EYS: variants seen among roughly 807,000 people sequenced by gnomAD.
EYS encodes the protein EGF-like photoreceptor maintenance factor.
In EYS, 250 loss-of-function variants were observed where a neutral mutation model predicts 282.1. The observed-to-expected ratio is 0.89, with a 90% confidence interval of 0.80 to 0.98. The LOEUF (loss-of-function observed/expected upper bound fraction) is 0.98, where lower values mean the gene tolerates loss of function less well. Ranked by LOEUF, EYS falls within the 50% of genes least tolerant of loss-of-function variation. The pLI, the probability that EYS is intolerant of heterozygous loss-of-function variation, is 0.00. For synonymous variants in EYS, 1,355 were observed against 1,282.9 expected, an observed-to-expected ratio of 1.06 and a Z score of -1.20; for missense variants, 4,016 against 3,709.0, an observed-to-expected ratio of 1.08 and a Z score of -2.15.
chr6:63,876,645 T>C (rs1005854979), intron 35 of EYS, among the ~76,000 whole-genome samples: 1 of 152,240 alleles, frequency 6.6e-6, no homozygotes, highest in Admixed American at 6.5e-5. Flanking sequence ...TTTATGAATC[T>C]GGGTGCTCCT....
chr6:63,970,583 C>T (rs1441687111), intron 35 of EYS, among the ~76,000 whole-genome samples: 2 of 149,852 alleles, frequency 1.3e-5, no homozygotes, highest in Admixed American at 6.7e-5. Context: ...TGCTGTAAGT[C>T]GAGATCACAC....
chr6:64,274,032 G>T (rs1033981741), intron 30 of EYS, among the ~76,000 whole-genome samples: 5 of 152,172 alleles, frequency 3.3e-5, no homozygotes, highest in African/African-American at 4.8e-5. Context: ...TTCTGCTTAT[G>T]ACCCAGTGAT....
intron 14 of EYS, among the ~76,000 whole-genome samples, chr6:64,965,862 G>A (rs910343149): frequency 6.6e-6 from 1 of 152,058 alleles, no homozygotes; most frequent in Non-Finnish European, 1.5e-5. Flanking sequence ...ATCAGTTTAT[G>A]GCTTGAAATT....
intron 30 of EYS, among the ~76,000 whole-genome samples, chr6:64,299,542 A>T (rs1429666350): frequency 6.6e-6 from 1 of 152,202 alleles, no homozygotes; most frequent in East Asian, 1.9e-4. Context: ...GGTGAAAAGG[A>T]CTGTGCAGTC....
At chr6:64,404,390 TG>T in intron 28 of EYS, among the ~76,000 whole-genome samples, 1 of 79,648 alleles carries the variant, frequency 1.3e-5, no homozygotes, top group East Asian at 7.0e-4. Context: ...AGTGTGTGTG[TG>T]TGTGTGTGTG....
At chr6:64,114,819 C>T (rs1773320758) in intron 31 of EYS, among the ~76,000 whole-genome samples, 1 of 152,042 alleles carries the variant, frequency 6.6e-6, no homozygotes, top group South Asian at 2.1e-4. Context: ...ACTGACGTAA[C>T]CAAGAGCTGC....
At chr6:64,794,491 C>T (rs1454560492) in intron 22 of EYS, among the ~76,000 whole-genome samples, 1 of 152,094 alleles carries the variant, frequency 6.6e-6, no homozygotes, top group Non-Finnish European at 1.5e-5. Context: ...CTTCTGCCCA[C>T]CATGTGAAGA....
chr6:65,157,628 C>G (rs1350567566), intron 12 of EYS, among the ~76,000 whole-genome samples: 1 of 150,434 alleles, frequency 6.6e-6, no homozygotes, highest in African/African-American at 2.4e-5. Context: ...ATTTAGTTCT[C>G]TAAACTAGTC....
chr6:65,059,635 T>C (rs968426626), intron 12 of EYS, among the ~76,000 whole-genome samples: 2 of 152,022 alleles, frequency 1.3e-5, no homozygotes, highest in African/African-American at 4.8e-5. Flanking sequence ...AGAAAGAATT[T>C]ATAATTATTG....
chr6:64,848,580 A>C (rs1447406757), intron 19 of EYS, among the ~76,000 whole-genome samples: 1 of 152,046 alleles, frequency 6.6e-6, no homozygotes, highest in African/African-American at 2.4e-5. Flanking sequence ...AAATTATGAC[A>C]TATAGTTTGT....
At chr6:64,941,581 A>T (rs1404704635) in intron 15 of EYS, among the ~76,000 whole-genome samples, 1 of 152,030 alleles carries the variant, frequency 6.6e-6, no homozygotes, top group African/African-American at 2.4e-5. Flanking sequence ...AGTATCCAAC[A>T]GTCAGTTTTT....
At chr6:64,841,704 T>A (rs1347912497) in intron 19 of EYS, among the ~76,000 whole-genome samples, 1 of 152,146 alleles carries the variant, frequency 6.6e-6, no homozygotes, top group East Asian at 1.9e-4. Context: ...TTCAAAGGTT[T>A]TGGGAGACAA....
intron 14 of EYS, among the ~76,000 whole-genome samples, chr6:64,984,100 C>T (rs1264869088): frequency 6.6e-6 from 1 of 151,378 alleles, no homozygotes; most frequent in Non-Finnish European, 1.5e-5. Context: ...TGAAATGTGT[C>T]CATTATTAAA....
chr6:65,078,079 C>G (rs955607817), intron 12 of EYS, among the ~76,000 whole-genome samples: 1 of 151,966 alleles, frequency 6.6e-6, no homozygotes, highest in African/African-American at 2.4e-5. Flanking sequence ...TTGATTTCCT[C>G]TTTTCTATTT....
intron 12 of EYS, among the ~76,000 whole-genome samples, chr6:65,154,924 AG>A (rs1257108517): frequency 6.6e-6 from 1 of 151,632 alleles, no homozygotes; most frequent in Non-Finnish European, 1.5e-5. Flanking sequence ...GTACAATATT[AG>A]TTTTTTATAT....
chr6:64,645,418 T>C (rs1011677289), intron 22 of EYS, among the ~76,000 whole-genome samples: 6 of 152,218 alleles, frequency 3.9e-5, no homozygotes. Context: ...ATTGACTTCA[T>C]GGGAAATTCA....
chr6:64,754,561 G>A (rs1772871379), intron 22 of EYS, among the ~76,000 whole-genome samples: 1 of 151,982 alleles, frequency 6.6e-6, no homozygotes, highest in Non-Finnish European at 1.5e-5. Flanking sequence ...CAATATCACT[G>A]ATTAATATAG....
chr6:64,629,118 A>T (rs945651912), intron 22 of EYS, among the ~76,000 whole-genome samples: 1 of 152,070 alleles, frequency 6.6e-6, no homozygotes, highest in African/African-American at 2.4e-5. Flanking sequence ...ATATTTTCTC[A>T]TACTTCCTTG....
chr6:65,705,925 T>C (rs1256664402), intron 1 of EYS, among the ~76,000 whole-genome samples: 3 of 152,028 alleles, frequency 2.0e-5, no homozygotes, highest in Non-Finnish European at 4.4e-5. Context: ...TAATATTGTA[T>C]TTCCTTAATC....
Sources: allele counts gnomAD v4.1 joint callset (sites outside exome capture counted in the v4.1 genomes callset), GRCh38; gene constraint gnomAD v4.1.1; transcripts MANE v1.5; gene names NCBI Gene and HGNC (gene_info 2026-07-23, HGNC 2026-07-21).